Variants in DGKB observed in about 807,000 individuals in gnomAD.
The protein encoded by DGKB is 90 kDa diacylglycerol kinase.
In DGKB, 67 loss-of-function variants were observed where a neutral mutation model predicts 114.3. The observed-to-expected ratio is 0.59, with a 90% confidence interval of 0.48 to 0.72. The LOEUF (loss-of-function observed/expected upper bound fraction) is 0.72. Among genes scored for constraint, DGKB ranks in the 30% least tolerant of loss-of-function variants. The pLI is 0.00. For missense variants in DGKB, 907 were observed against 975.2 expected, an observed-to-expected ratio of 0.93 and a Z score of 0.93; for synonymous variants, 398 against 323.1, an observed-to-expected ratio of 1.23 and a Z score of -2.49.
intron 20 of DGKB, among the ~76,000 whole-genome samples, chr7:14,537,128 T>TACTA (rs1295294564): frequency 1.3e-5 from 2 of 151,932 alleles, no homozygotes; most frequent in Admixed American, 6.6e-5. Context: ...GAAAGACTAG[T>TACTA]AAGTTGAAAA....
chr7:14,851,801 G>A (rs1849385657), intron 1 of DGKB, among the ~76,000 whole-genome samples: 1 of 152,164 alleles, frequency 6.6e-6, no homozygotes, highest in Admixed American at 6.5e-5. Context: ...ACTTGAAGAA[G>A]CCATGTATAA....
At chr7:14,970,616 C>G (rs971248262) in intron 1 of DGKB, among the ~76,000 whole-genome samples, 1 of 152,058 alleles carries the variant, frequency 6.6e-6, no homozygotes. Flanking sequence ...AGAATGCTCC[C>G]GTGTCATCAA....
In DGKB at chr7:14,508,940, A is replaced by G. The variant is rs553960343; in HGVS notation, c.1771-30715T>C. Among the ~76,000 whole-genome samples the G allele has an allele frequency of 3.2e-3, 481 of 152,304 alleles. 6 individuals carry two copies. The highest frequency in any genetic ancestry group is 0.029 in the South Asian group (139 of 4,828). ...CATTCATTCTTCAAGTGAGTATTTT[A>G]TGAACAATGTCATATAAATTTAGAA... On this transcript the variant is annotated intron_variant, in intron 20 of 25. Transcript: ENST00000402815.
chr7:14,200,721 A>T (rs1785731415), intron 23 of DGKB, among the ~76,000 whole-genome samples: 1 of 152,058 alleles, frequency 6.6e-6, no homozygotes, highest in African/African-American at 2.4e-5. Context: ...AGATGTAAAA[A>T]GCTATTAGTC....
In DGKB at chr7:14,409,724, A is replaced by AAG. The variant is rs1197477305; in HGVS notation, c.1836-64334_1836-64333insCT. 1.9e-4 allele frequency among the ~76,000 whole-genome samples: 2 copies of AAG among 10,408 alleles called. 1 individual carries two copies. Among genetic ancestry groups the AAG allele is most frequent in the Non-Finnish European group, 9.3e-4 (2 of 2,148 alleles). 6.8% of individuals were successfully genotyped at this position (10,408 alleles called of 152,430 possible). On this transcript the variant is annotated intron_variant, in intron 21 of 25. Transcript: ENST00000402815. Reference sequence around the variant, plus strand: ...GCGAGACTCCGTCTCAAAAAAAAAAAAAAAAAAAAAAAAAAAAGTTGAATT... The same window carrying AAG: ...GCGAGACTCCGTCTCAAAAAAAAAAAAGAAAAAAAAAAAAAAAAAGTTGAATT...
chr7:14,420,530 A>G (rs2128762801), intron 21 of DGKB, among the ~76,000 whole-genome samples: 1 of 152,042 alleles, frequency 6.6e-6, no homozygotes, highest in Admixed American at 6.6e-5. Flanking sequence ...TTCAGAATCT[A>G]TTTTTTCTCT....
intron 7 of DGKB, among the ~76,000 whole-genome samples, chr7:14,698,878 T>G (rs976703251): frequency 6.6e-6 from 1 of 152,146 alleles, no homozygotes; most frequent in Admixed American, 6.5e-5. Flanking sequence ...CTTTGTGAAA[T>G]GCTTGTAATT....
intron 23 of DGKB, among the ~76,000 whole-genome samples, chr7:14,333,647 C>T (rs79518041): frequency 0.016 from 2,385 of 152,080 alleles, 62 homozygotes; most frequent in African/African-American, 0.053. Context: ...TGCTTCTCAG[C>T]CATGTTGAAC....
At chr7:14,153,384 T>A (rs997160403) in intron 25 of DGKB, among the ~76,000 whole-genome samples, 4 of 152,142 alleles carry the variant, frequency 2.6e-5, no homozygotes, top group Non-Finnish European at 5.9e-5. Context: ...TACCTGCTAT[T>A]GAAATTATTT....
chr7:14,603,623 T>C (rs1346743716), intron 17 of DGKB, among the ~76,000 whole-genome samples: 1 of 152,160 alleles, frequency 6.6e-6, no homozygotes, highest in Non-Finnish European at 1.5e-5. Context: ...ATTTGAAATA[T>C]GTAAATCTGT....
At chr7:14,370,921 G>A (rs1817524039) in intron 21 of DGKB, among the ~76,000 whole-genome samples, 1 of 152,068 alleles carries the variant, frequency 6.6e-6, no homozygotes, top group South Asian at 2.1e-4. Flanking sequence ...GTGGTATTTG[G>A]TTTTCTGTTC....
chr7:14,642,781 A>G (rs1010978674), intron 13 of DGKB, among the ~76,000 whole-genome samples: 2 of 152,222 alleles, frequency 1.3e-5, no homozygotes, highest in African/African-American at 4.8e-5. Flanking sequence ...ATATTACATA[A>G]GCTGTTTTGA....
intron 1 of DGKB, among the ~76,000 whole-genome samples, chr7:14,852,487 C>CAAAAAAAAACAAACAAAAAAAA (rs1554304221): frequency 1.3e-4 from 8 of 63,614 alleles, no homozygotes; most frequent in South Asian, 5.8e-4. Context: ...TAGTGAAAGT[C>CAAAAAAAAACAAACAAAAAAAA]AAAAAAAAAA....
At chr7:14,178,266 T>G (rs1782083861) in intron 23 of DGKB, 115 bp from the exon 24 acceptor site, 1 of 1,150,886 alleles carries the variant, frequency 8.7e-7, no homozygotes. Context: ...AAAGAAAGCT[T>G]GTCTTAGAAA....
At chr7:14,511,262 A>G (rs2128542766) in intron 20 of DGKB, among the ~76,000 whole-genome samples, 1 of 152,302 alleles carries the variant, frequency 6.6e-6, no homozygotes, top group Admixed American at 6.5e-5. Context: ...CTTAGTGTAC[A>G]CCTTCATCAA....
At chr7:14,379,615 A>G (rs1043945519) in intron 21 of DGKB, among the ~76,000 whole-genome samples, 2 of 151,908 alleles carry the variant, frequency 1.3e-5, no homozygotes, top group Admixed American at 6.6e-5. Flanking sequence ...GCTGGAGTGC[A>G]GTGGCACGAT....
At chr7:14,814,428 G>A (rs1460424716) in intron 2 of DGKB, among the ~76,000 whole-genome samples, 2 of 152,058 alleles carry the variant, frequency 1.3e-5, no homozygotes, top group Admixed American at 6.6e-5. Flanking sequence ...CCTTCTTGCT[G>A]TATGAAAAAA....
chr7:14,564,810 T>C (rs1797157408), intron 20 of DGKB, among the ~76,000 whole-genome samples: 4 of 152,112 alleles, frequency 2.6e-5, no homozygotes, highest in Admixed American at 2.0e-4. Context: ...TTCCTCCTGC[T>C]TCATTGGCCA....
intron 20 of DGKB, among the ~76,000 whole-genome samples, chr7:14,484,148 T>A (rs1282167533): frequency 1.3e-5 from 2 of 152,030 alleles, no homozygotes; most frequent in Non-Finnish European, 2.9e-5. Flanking sequence ...TAACACACAG[T>A]TTAGAATCTA....
Sources: gnomAD v4.1 joint callset for allele counts (sites outside exome capture counted in the v4.1 genomes callset) on GRCh38, gnomAD v4.1.1 for gene constraint, MANE v1.5 for transcripts, NCBI Gene and HGNC (gene_info 2026-07-23, HGNC 2026-07-21) for gene names.